The following LPCAT1 variants were observed in gnomAD, a reference collection of about 807,000 sequenced individuals.
LPCAT1 encodes the protein 1-acylglycerol-3-phosphate O-acyltransferase.
LPCAT1 carries 23 observed loss-of-function variants against 60.9 expected under a neutral mutation model. The ratio of observed to expected loss-of-function variants is 0.38; its 90% CI spans 0.27 to 0.53. The LOEUF is 0.53. Among genes scored for constraint, LPCAT1 ranks in the 20% least tolerant of loss-of-function variants. The probability of loss-of-function intolerance (pLI) is 0.82; values close to 1 mark genes in which losing one functional copy is unlikely to be tolerated. For synonymous variants in LPCAT1, 340 were observed against 301.1 expected (o/e 1.13, Z -1.34); for missense variants, 622 against 723.6 (o/e 0.86, Z 1.61).
chr5:1,487,850 A>T lies in LPCAT1; in HGVS notation c.667+541T>A, dbSNP rs1021571631. Among the ~76,000 whole-genome samples, 4 of 152,152 alleles carry T rather than the reference A, an allele frequency of 2.6e-5. No individual in the cohort carries two copies. The highest frequency in any genetic ancestry group is 1.5e-5 in the Non-Finnish European group (1 of 68,026). Reference sequence around the variant, plus strand: ...TGGACTCTGCTGCCTGCTCACTGCCACACTTCCCACGTCAGGGGTGCAGAC... The same window carrying T: ...TGGACTCTGCTGCCTGCTCACTGCCTCACTTCCCACGTCAGGGGTGCAGAC... On this transcript the variant is annotated intron_variant, in intron 5 of 13. Coordinates refer to ENST00000283415, the MANE Select transcript of LPCAT1 (RefSeq NM_024830.5). This position sits in a 1 kb window ranked among gnomAD's most constrained non-coding sequence, Gnocchi z 6.1.
chr5:1,477,013 G>C lies in LPCAT1; in HGVS notation c.899+391C>G, dbSNP rs1026456661. Among the ~76,000 whole-genome samples, 4 of 152,352 alleles carry C rather than the reference G, an allele frequency of 2.6e-5. No individual in the cohort carries two copies. Among genetic ancestry groups the C allele is most frequent in the East Asian group, 1.9e-4 (1 of 5,182 alleles). On this transcript the variant is annotated intron_variant, in intron 9 of 13. Coordinates refer to ENST00000283415, the MANE Select transcript of LPCAT1 (RefSeq NM_024830.5). The surrounding 1 kb of genome is among the most constrained non-coding windows in gnomAD (Gnocchi z 6.0). ...AACCACCACTCCACTCTGCCAGATA[G>C]AGTAAGGGCACCGGTAAGTATCACA...
At chr5:1,508,215 C>A (rs1736245157) in intron 1 of LPCAT1, among the ~76,000 whole-genome samples, 1 of 152,200 alleles carries the variant, frequency 6.6e-6, no homozygotes, top group Admixed American at 6.5e-5. Flanking sequence ...GCACGTGACC[C>A]CGGCCTGGCC....
intron 1 of LPCAT1, among the ~76,000 whole-genome samples, chr5:1,518,567 C>T (rs1462476729): frequency 6.6e-6 from 1 of 152,232 alleles, no homozygotes; most frequent in East Asian, 1.9e-4. Flanking sequence ...GTCTCGATCT[C>T]CCGACCTCAT....
chr5:1,523,324 C>G lies in LPCAT1; in HGVS notation c.135+386G>C, dbSNP rs1056500261. Among the ~76,000 whole-genome samples the G allele has an allele frequency of 1.3e-5, 2 of 151,862 alleles. No individual in the cohort carries two copies. Among genetic ancestry groups the G allele is most frequent in the African/African-American group, 4.8e-5 (2 of 41,416 alleles). ...CCGGACCAGGGACGAGCGCGGGGAC[C>G]GGCGATGCGGGTCCAGCCTCCCGCG... On this transcript the variant is annotated intron_variant, in intron 1 of 13. Coordinates refer to ENST00000283415, the MANE Select transcript of LPCAT1 (RefSeq NM_024830.5). This position sits in a 1 kb window ranked among gnomAD's most constrained non-coding sequence, Gnocchi z 7.1.
At chr5:1,494,612 A>C in intron 3 of LPCAT1, 88 bp downstream of exon 3, 1 of 1,240,148 alleles carries the variant, frequency 8.1e-7, no homozygotes, top group East Asian at 2.4e-5. Flanking sequence ...TCCCAGCAGG[A>C]GGGGAATCTC....
intron 2 of LPCAT1, among the ~76,000 whole-genome samples, chr5:1,498,594 A>T (rs1735884007): frequency 1.3e-5 from 2 of 152,182 alleles, no homozygotes; most frequent in Admixed American, 1.3e-4. Context: ...CATACATCAT[A>T]CATATGTGGA....
intron 3 of LPCAT1, among the ~76,000 whole-genome samples, chr5:1,490,535 A>G (rs970319854): frequency 6.6e-6 from 1 of 152,236 alleles, no homozygotes; most frequent in East Asian, 1.9e-4. Flanking sequence ...GAAGAGCCCA[A>G]TGCGGCCAGC....
chr5:1,462,237 C>T lies in LPCAT1; in HGVS notation c.*1414G>A, dbSNP rs1734128343. ...AAATCAAAAAAATTTTCCAAACAAA[C>T]CCGGAGCCTTTGCTTTAGGAAGCAA... On this transcript the variant is annotated 3_prime_UTR_variant, in exon 14 of 14. Transcript: ENST00000283415. 6.6e-6 allele frequency: 1 copy of T among 152,498 alleles called. No homozygotes were observed. The highest frequency in any genetic ancestry group is 1.5e-5 in the Non-Finnish European group (1 of 68,020). 9.4% of individuals were successfully genotyped at this position (152,498 alleles called of 1,614,324 possible).
intron 1 of LPCAT1, among the ~76,000 whole-genome samples, chr5:1,519,503 T>TA (rs1474054231): frequency 2.0e-5 from 3 of 152,198 alleles, no homozygotes; most frequent in Non-Finnish European, 4.4e-5. Flanking sequence ...TTCGGAAAAT[T>TA]AGACAGGATT....
rs890905120 is a variant in LPCAT1, at chr5:1,471,812, CAG to C, written c.1180-890_1180-889del. Among the ~76,000 whole-genome samples the C allele has an allele frequency of 5.5e-5, 8 of 146,126 alleles. No homozygotes were observed. In the East Asian group the frequency reaches 6.3e-4, roughly 11 times the overall value. Reference sequence around the variant, plus strand: ...GACAGCAAGTGAGAAGCACTCAGGACAGGGGGAGGACTCTGGCCAGAGAGCAG... The same window carrying C: ...GACAGCAAGTGAGAAGCACTCAGGACGGGGAGGACTCTGGCCAGAGAGCAG... On this transcript the variant is annotated intron_variant, in intron 11 of 13. Transcript: ENST00000283415.
intron 5 of LPCAT1, among the ~76,000 whole-genome samples, chr5:1,484,355 TTCTATTTTAAATTCTATTTAAATC>T (rs975512847): frequency 3.3e-5 from 5 of 152,266 alleles, no homozygotes; most frequent in African/African-American, 1.2e-4. Flanking sequence ...GGATGATTGT[TTCTATTTTAAATTCTATTTAAATC>T]TCTATTGAAA....
At position 1,521,286 on chromosome 5, in the gene LPCAT1, C is replaced by T. The variant is rs1736670083; in HGVS notation, c.135+2424G>A. ...GAGGTGTCCCCGCATGGCGCTAATC[C>T]GAAGACACACAGCAGCCCCTCCCAG... On this transcript the variant is annotated intron_variant, in intron 1 of 13. Coordinates refer to ENST00000283415, the MANE Select transcript of LPCAT1 (RefSeq NM_024830.5). This position sits in a 1 kb window ranked among gnomAD's most constrained non-coding sequence, Gnocchi z 4.3. 4.1e-6 allele frequency: 4 copies of T among 979,342 alleles called. No individual in the cohort carries two copies. Among genetic ancestry groups the T allele is most frequent in the Non-Finnish European group, 4.9e-6 (4 of 824,454 alleles). The allele number at this position is 979,342 out of a possible 1,614,324, so 60.7% of individuals were successfully genotyped here. A position where few individuals can be genotyped will look rare whatever the true frequency, so the allele number is the denominator to read the frequency against.
intron 1 of LPCAT1, among the ~76,000 whole-genome samples, chr5:1,519,728 G>T (rs1736614488): frequency 1.3e-5 from 2 of 152,340 alleles, no homozygotes; most frequent in African/African-American, 4.8e-5. Context: ...TGACGCTTGG[G>T]CCTCTACTGG....
At chr5:1,469,737 C>T (rs1168322521) in intron 12 of LPCAT1, among the ~76,000 whole-genome samples, 12 of 151,948 alleles carry the variant, frequency 7.9e-5, no homozygotes, top group African/African-American at 7.3e-5. Context: ...GCCAAGATTG[C>T]ACCACTGCAC....
At chr5:1,497,133 C>T (rs565152790) in intron 2 of LPCAT1, among the ~76,000 whole-genome samples, 3 of 152,134 alleles carry the variant, frequency 2.0e-5, no homozygotes, top group Non-Finnish European at 4.4e-5. Context: ...ACCACGCTCG[C>T]CAAGAGAGTC....
At chr5:1,498,838 TAC>T (rs10674768) in intron 2 of LPCAT1, among the ~76,000 whole-genome samples, 2 of 152,130 alleles carry the variant, frequency 1.3e-5, no homozygotes, top group South Asian at 2.1e-4. Context: ...GTGGCTCACA[TAC>T]ACACAGTAAT....
chr5:1,508,571 G>A (rs776950523), intron 1 of LPCAT1, among the ~76,000 whole-genome samples: 19 of 152,046 alleles, frequency 1.2e-4, no homozygotes, highest in Non-Finnish European at 2.4e-4. Flanking sequence ...GCTGCGCCTC[G>A]GTCTCGGACT....
chr5:1,501,411 G>A, intron 2 of LPCAT1, 50 bp downstream of exon 2: 1 of 1,558,054 alleles, frequency 6.4e-7, no homozygotes, highest in Non-Finnish European at 8.7e-7. Context: ...CCCACTGTTT[G>A]GCCGCGTGAC....
intron 13 of LPCAT1, among the ~76,000 whole-genome samples, chr5:1,465,306 G>T (rs564254929): frequency 8.6e-6 from 1 of 116,782 alleles, no homozygotes; most frequent in African/African-American, 3.8e-5. Context: ...ACACATGTGC[G>T]CGCACACACA....
Sources: allele counts gnomAD v4.1 joint callset (sites outside exome capture counted in the v4.1 genomes callset), GRCh38; gene constraint gnomAD v4.1.1; non-coding constraint Gnocchi (gnomAD v3.1); transcripts MANE v1.5; gene names NCBI Gene and HGNC (gene_info 2026-07-23, HGNC 2026-07-21).